Variants in TRDN observed in about 807,000 individuals in gnomAD.
The protein encoded by TRDN is triadin, also known as triadin in skeletal muscle.
A neutral mutation model predicts 149.7 loss-of-function variants in TRDN; 161 were observed. That is an observed-to-expected ratio of 1.08 (90% confidence interval 0.95 to 1.23). TRDN has a LOEUF of 1.23. Among genes scored for constraint, TRDN ranks in the 50% most tolerant of loss-of-function variants. The pLI, the probability that TRDN is intolerant of heterozygous loss-of-function variation, is 0.00. For missense variants in TRDN, 896 were observed against 823.5 expected (o/e 1.09, Z -1.08); for synonymous variants, 294 against 250.5 (o/e 1.17, Z -1.64).
chr6:123,548,743 C>T (rs1170894497), intron 2 of TRDN, 131 bp from the exon 3 acceptor site: 6 of 825,686 alleles, frequency 7.3e-6, no homozygotes, highest in Non-Finnish European at 9.8e-6. Flanking sequence ...TAAATATCTC[C>T]TGGCTACAAT....
intron 1 of TRDN, among the ~76,000 whole-genome samples, chr6:123,583,711 C>T (rs1251712745): frequency 3.2e-4 from 48 of 151,898 alleles, no homozygotes; most frequent in Admixed American, 3.1e-3. Context: ...CTTCTCAGAC[C>T]CTGTAGGAAA....
At chr6:123,254,691 A>G (rs1320174257) in intron 37 of TRDN, among the ~76,000 whole-genome samples, 1 of 152,040 alleles carries the variant, frequency 6.6e-6, no homozygotes, top group Non-Finnish European at 1.5e-5. Context: ...CTAATTTATA[A>G]GCAATAAAAA....
intron 38 of TRDN, among the ~76,000 whole-genome samples, chr6:123,225,513 G>GACACAC (rs747190026): frequency 6.7e-6 from 1 of 148,650 alleles, no homozygotes; most frequent in East Asian, 2.0e-4. Context: ...TCACCACACA[G>GACACAC]ACACACACAC....
intron 24 of TRDN, among the ~76,000 whole-genome samples, chr6:123,285,656 G>A (rs1777778041): frequency 6.6e-6 from 1 of 152,050 alleles, no homozygotes; most frequent in Admixed American, 6.6e-5. Context: ...GAATCCAAAA[G>A]CAAATGGAAC....
rs1177962776 is a variant in TRDN, at chr6:123,375,532, T to C, written c.1273+73A>G. ...GCCATTCTCAAAATTAGCATTAGCA[T>C]AGTCTATAGCAGAAAATTCAAATGA... On this transcript the variant is annotated intron_variant, in intron 19 of 40. Coordinates refer to ENST00000334268, the MANE Select transcript of TRDN (RefSeq NM_006073.4). 7.7e-6 allele frequency: 10 copies of C among 1,296,418 alleles called. No homozygotes were observed. The East Asian group carries it at 1.6e-4, about 21-fold the overall frequency. The allele number at this position is 1,296,418 out of a possible 1,614,324, so 80.3% of individuals were successfully genotyped here. A position where few individuals can be genotyped will look rare whatever the true frequency, so the allele number is the denominator to read the frequency against.
chr6:123,234,170 G>A (rs6934381), intron 38 of TRDN, among the ~76,000 whole-genome samples: 8,057 of 152,044 alleles, frequency 0.053, 631 homozygotes, highest in African/African-American at 0.18. Context: ...GATACCATCT[G>A]TATACATATG....
At chr6:123,500,229 C>T (rs1778642084) in intron 8 of TRDN, among the ~76,000 whole-genome samples, 1 of 152,008 alleles carries the variant, frequency 6.6e-6, no homozygotes. Flanking sequence ...CTAATGGCAC[C>T]AATATATCAA....
intron 21 of TRDN, among the ~76,000 whole-genome samples, chr6:123,338,352 C>A (rs1378708525): frequency 6.6e-6 from 1 of 152,166 alleles, no homozygotes; most frequent in Non-Finnish European, 1.5e-5. Flanking sequence ...AGGCCATTTA[C>A]AACCAACAGA....
chr6:123,562,596 G>T (rs1782059532), intron 2 of TRDN, among the ~76,000 whole-genome samples: 1 of 152,122 alleles, frequency 6.6e-6, no homozygotes, highest in Non-Finnish European at 1.5e-5. Flanking sequence ...CTGTTTATAA[G>T]CTATCCAGTT....
At chr6:123,610,488 G>T (rs1784748753) in intron 1 of TRDN, among the ~76,000 whole-genome samples, 1 of 152,154 alleles carries the variant, frequency 6.6e-6, no homozygotes, top group South Asian at 2.1e-4. Flanking sequence ...ACTCTGCCAG[G>T]TGCTTGGGTA....
intron 4 of TRDN, among the ~76,000 whole-genome samples, chr6:123,533,319 A>G (rs1780342179): frequency 6.6e-6 from 1 of 152,112 alleles, no homozygotes; most frequent in Non-Finnish European, 1.5e-5. Context: ...GACCATTCAA[A>G]AGAATAAAGA....
At chr6:123,507,289 T>C (rs6937527) in intron 7 of TRDN, among the ~76,000 whole-genome samples, 126,913 of 152,030 alleles carry the variant, frequency 0.83, 53,208 homozygotes, top group East Asian at 0.98. Flanking sequence ...GAACTATAGA[T>C]GTGTGAAATT....
chr6:123,600,985 G>A (rs1225257693), intron 1 of TRDN, among the ~76,000 whole-genome samples: 1 of 151,926 alleles, frequency 6.6e-6, no homozygotes, highest in African/African-American at 2.4e-5. Context: ...CTGAAAAGTT[G>A]CAAATATGAA....
chr6:123,267,184 AGAG>A (rs1449422121), intron 32 of TRDN, among the ~76,000 whole-genome samples: 1 of 150,866 alleles, frequency 6.6e-6, no homozygotes, highest in Non-Finnish European at 1.5e-5. Context: ...ATTTACCAAA[AGAG>A]AGAGATTTTT....
chr6:123,252,585 A>C, intron 37 of TRDN, 150 bp from the exon 38 acceptor site: 1 of 457,066 alleles, frequency 2.2e-6, no homozygotes, highest in Non-Finnish European at 4.0e-6. Flanking sequence ...GTTGCCTGTC[A>C]ACATAAGTCT....
rs79286808 is a variant in TRDN, at chr6:123,311,197, G to A, written c.1510+5260C>T. 3.0e-3 allele frequency among the ~76,000 whole-genome samples: 461 copies of A among 151,940 alleles called. 15 individuals are homozygous for A. In the East Asian group the frequency reaches 0.076, roughly 25 times the overall value. On this transcript the variant is annotated intron_variant, in intron 24 of 40. Coordinates refer to ENST00000334268, the MANE Select transcript of TRDN (RefSeq NM_006073.4). ...AGAAAGGGAAGCAGGAACATTTTAC[G>A]TGGCAGCAGACAAGAGGGAGCAAGT... is the stretch of plus-strand genomic sequence containing the variant.
intron 21 of TRDN, chr6:123,350,571 T>C: frequency 1.4e-6 from 1 of 708,474 alleles, no homozygotes; most frequent in Non-Finnish European, 1.7e-6. Context: ...TATTAGAATA[T>C]GGGACAATTT....
chr6:123,489,423 A>G (rs1583133569), intron 9 of TRDN: 1 of 152,202 alleles, frequency 6.6e-6, no homozygotes, highest in East Asian at 1.9e-4. Context: ...CACTGGAGTC[A>G]ATCAGAGTTT....
rs142151147 is a variant in TRDN at position 123,367,705 on chromosome 6, C to T, written c.1274-1523G>A. The stretch of plus-strand genomic sequence containing the variant: ...GGTTCACGCTGGAGGGCTATTGAAA[C>T]AGATGCTGAGCGCAAAAGGTCTGAT... On this transcript the variant is annotated intron_variant, in intron 19 of 40. Transcript: ENST00000334268. Among the ~76,000 whole-genome samples the T allele has an allele frequency of 3.3e-5, 5 of 152,288 alleles. 1 individual carries two copies. In the East Asian group the frequency reaches 7.7e-4, roughly 24 times the overall value.
Sources: gnomAD v4.1 joint callset for allele counts (sites outside exome capture counted in the v4.1 genomes callset) on GRCh38, gnomAD v4.1.1 for gene constraint, MANE v1.5 for transcripts, NCBI Gene and HGNC (gene_info 2026-07-23, HGNC 2026-07-21) for gene names.